Variants in MAEL observed in about 807,000 individuals in gnomAD.
MAEL encodes the protein maelstrom spermatogenic transposon silencer.
In MAEL, 46 loss-of-function variants were observed where a neutral mutation model predicts 62.0. That is an observed-to-expected ratio of 0.74 (90% CI 0.59 to 0.95). The LOEUF is 0.95. Ranked by LOEUF, MAEL falls within the 40% of genes least tolerant of loss-of-function variation. The probability of loss-of-function intolerance (pLI) is 0.00; values close to 1 mark genes in which losing one functional copy is unlikely to be tolerated. For synonymous variants in MAEL, 172 were observed against 175.5 expected, an observed-to-expected ratio of 0.98 and a Z score of 0.16; for missense variants, 497 against 526.8, an observed-to-expected ratio of 0.94 and a Z score of 0.55.
chr1:166,995,530 G>A (rs984780579), intron 5 of MAEL, among the ~76,000 whole-genome samples: 9 of 152,088 alleles, frequency 5.9e-5, no homozygotes, highest in East Asian at 1.9e-4. Context: ...GTGAGCCACC[G>A]TGCTTGGCAG....
chr1:166,986,835 C>A (rs1448625521), upstream of MAEL, among the ~76,000 whole-genome samples: 1 of 151,240 alleles, frequency 6.6e-6, no homozygotes. Context: ...TAAAGTGGAT[C>A]AATAAAATCA....
chr1:166,982,196 C>T (rs1015023892), intron 1 of MAEL, among the ~76,000 whole-genome samples: 2 of 152,156 alleles, frequency 1.3e-5, no homozygotes, highest in African/African-American at 4.8e-5. Flanking sequence ...CTAGATGGTA[C>T]TCAGAAATTT....
At chr1:166,992,276 G>T (rs1166269679) in intron 3 of MAEL, among the ~76,000 whole-genome samples, 1 of 152,078 alleles carries the variant, frequency 6.6e-6, no homozygotes, top group Non-Finnish European at 1.5e-5. Context: ...AGTGAAAAAA[G>T]AATGAACTGA....
At chr1:167,000,653 A>G (rs1420093883) in intron 5 of MAEL, among the ~76,000 whole-genome samples, 2 of 152,234 alleles carry the variant, frequency 1.3e-5, no homozygotes, top group Non-Finnish European at 2.9e-5. Flanking sequence ...CTACAGAGAA[A>G]TTCTTCATGA....
intron 5 of MAEL, among the ~76,000 whole-genome samples, chr1:167,001,863 C>T (rs1664683584): frequency 6.6e-6 from 1 of 152,202 alleles, no homozygotes; most frequent in Non-Finnish European, 1.5e-5. Flanking sequence ...CTTGCTATAG[C>T]CTCTGCCTAC....
At chr1:166,977,818 G>A (rs140510037) in intron 1 of MAEL, among the ~76,000 whole-genome samples, 124 of 152,224 alleles carry the variant, frequency 8.1e-4, no homozygotes, top group African/African-American at 2.9e-3. Context: ...AGGCGTGGTT[G>A]TACATACCTG....
intron 5 of MAEL, among the ~76,000 whole-genome samples, chr1:167,000,208 T>C (rs1664602704): frequency 6.6e-6 from 1 of 152,182 alleles, no homozygotes; most frequent in East Asian, 1.9e-4. Flanking sequence ...GCAAAGTAAA[T>C]GGAAAACCTG....
chr1:166,988,573 G>T (rs746550449), upstream of MAEL, among the ~76,000 whole-genome samples: 4 of 151,958 alleles, frequency 2.6e-5, no homozygotes, highest in Non-Finnish European at 5.9e-5. Flanking sequence ...TAGTATAAGA[G>T]ATCAGCAGTG....
At chr1:167,016,542 G>A (rs906857594) in intron 9 of MAEL, among the ~76,000 whole-genome samples, 4 of 152,148 alleles carry the variant, frequency 2.6e-5, no homozygotes, top group African/African-American at 9.7e-5. Context: ...TTGGTGGGAT[G>A]TAAGTTAATA....
intron 1 of MAEL, among the ~76,000 whole-genome samples, chr1:166,981,101 G>A (rs2102057480): frequency 6.6e-6 from 1 of 152,330 alleles, no homozygotes; most frequent in Middle Eastern, 3.4e-3. Context: ...AACTGCTCAA[G>A]CAAGAGAAGT....
At chr1:167,021,608 C>A (rs1341461138) in intron 11 of MAEL, 60 bp from the exon 12 acceptor site, 1 of 1,182,696 alleles carries the variant, frequency 8.5e-7, no homozygotes, top group South Asian at 1.6e-5. Flanking sequence ...ATTGAGGCAT[C>A]TCTTTGTAAT....
chr1:166,992,378 T>C (rs537013992), intron 3 of MAEL, among the ~76,000 whole-genome samples: 7 of 152,328 alleles, frequency 4.6e-5, no homozygotes, highest in Non-Finnish European at 1.0e-4. Flanking sequence ...GGGTCACTGC[T>C]CTGTGTCATT....
chr1:166,988,132 C>G (rs938829073), upstream of MAEL, among the ~76,000 whole-genome samples: 3 of 151,972 alleles, frequency 2.0e-5, no homozygotes, highest in Non-Finnish European at 4.4e-5. Flanking sequence ...GGCAGATCCT[C>G]GAGCCCAGAA....
At chr1:166,995,605 G>A (rs1343894218) in intron 5 of MAEL, among the ~76,000 whole-genome samples, 1 of 151,464 alleles carries the variant, frequency 6.6e-6, no homozygotes, top group Admixed American at 6.6e-5. Flanking sequence ...TTCTGTACTT[G>A]CTTTAAAGTG....
At chr1:167,002,408 A>T (rs562377652) in intron 5 of MAEL, among the ~76,000 whole-genome samples, 1 of 152,176 alleles carries the variant, frequency 6.6e-6, no homozygotes, top group South Asian at 2.1e-4. Context: ...TCTTATCGGG[A>T]TCTTCTTTTT....
intron 9 of MAEL, among the ~76,000 whole-genome samples, chr1:167,017,592 C>T (rs1459228014): frequency 6.6e-6 from 1 of 152,100 alleles, no homozygotes; most frequent in East Asian, 1.9e-4. Flanking sequence ...TTGCCATGCC[C>T]TTAAAATGAA....
chr1:167,016,218 A>AC lies in MAEL; in HGVS notation c.846-3dup. 6.2e-7 allele frequency: 1 copy of AC among 1,613,308 alleles called. No homozygotes were observed. Among genetic ancestry groups the AC allele is most frequent in the Non-Finnish European group, 8.5e-7 (1 of 1,179,472 alleles). On this transcript the variant is annotated splice_polypyrimidine_tract_variant and splice_region_variant and intron_variant, in intron 8 of 11. Transcript: ENST00000367872. ...AGGATATTAAAGTCCATTTTTTTGTACAGGTGCAAGTGGCATGAAGAAAAT... is the reference window on the plus strand; with the variant it reads ...AGGATATTAAAGTCCATTTTTTTGTACCAGGTGCAAGTGGCATGAAGAAAAT...
chr1:166,981,199 G>A (rs1663749329), intron 1 of MAEL, among the ~76,000 whole-genome samples: 1 of 152,160 alleles, frequency 6.6e-6, no homozygotes, highest in South Asian at 2.1e-4. Context: ...TCATAGAAGT[G>A]TTAATTCTGT....
At chr1:166,979,385 A>C (rs1002003035) in intron 1 of MAEL, among the ~76,000 whole-genome samples, 1 of 152,018 alleles carries the variant, frequency 6.6e-6, no homozygotes, top group Non-Finnish European at 1.5e-5. Flanking sequence ...AAATTAAACC[A>C]AGGAACTAAA....
Sources: gnomAD v4.1 joint callset for allele counts (sites outside exome capture counted in the v4.1 genomes callset) on GRCh38, gnomAD v4.1.1 for gene constraint, MANE v1.5 for transcripts, NCBI Gene and HGNC (gene_info 2026-07-23, HGNC 2026-07-21) for gene names.